Variants in EIF3D observed in about 807,000 individuals in gnomAD.
The protein encoded by EIF3D is eIF3 p66.
A neutral mutation model predicts 75.4 loss-of-function variants in EIF3D; 10 were observed. The ratio of observed to expected loss-of-function variants is 0.13; its 90% confidence interval spans 0.08 to 0.22. The LOEUF is 0.22. Among genes scored for constraint, EIF3D ranks in the 10% least tolerant of loss-of-function variants. EIF3D has a pLI of 1.00. For synonymous variants in EIF3D, 246 were observed against 248.3 expected, an observed-to-expected ratio of 0.99 and a Z score of 0.09; for missense variants, 394 against 708.0, an observed-to-expected ratio of 0.56 and a Z score of 5.03.
rs765881960 is a variant in EIF3D at position 36,529,011 on chromosome 22, G to A, written c.-11+65C>T. On this transcript the variant is annotated intron_variant, in intron 1 of 14. Transcript: ENST00000216190. ...AGAGGTCTCTTCCGGGAGGCCCCCC[G>A]AAGGCTGGACCTAGTCCGAACCGGC... 8 of 347,850 alleles carry A rather than the reference G, an allele frequency of 2.3e-5. No individual in the cohort carries two copies. The South Asian group carries it at 4.6e-4, about 20-fold the overall frequency. 21.5% of individuals were successfully genotyped at this position (347,850 alleles called of 1,614,324 possible).
chr22:36,519,033 T>C (rs1934471112), intron 8 of EIF3D, 123 bp from the exon 9 acceptor site: 4 of 1,333,160 alleles, frequency 3.0e-6, no homozygotes, highest in Admixed American at 5.1e-5. Context: ...CCCCACCTCA[T>C]TGACCAAAAA....
chr22:36,521,950 A>C (rs1465601799), intron 6 of EIF3D, among the ~76,000 whole-genome samples: 2 of 152,090 alleles, frequency 1.3e-5, no homozygotes, highest in Non-Finnish European at 2.9e-5. Flanking sequence ...AAAAACAAAA[A>C]ACAAAAACCA....
rs1266834102 is a variant in EIF3D at position 36,519,389 on chromosome 22, A to G, written c.711+16T>C. The G allele has an allele frequency of 6.2e-7, 1 of 1,613,952 alleles. No homozygotes were observed. Among genetic ancestry groups the G allele is most frequent in the South Asian group, 1.1e-5 (1 of 91,066 alleles). On this transcript the variant is annotated intron_variant, in intron 8 of 14. Coordinates refer to ENST00000216190, the MANE Select transcript of EIF3D (RefSeq NM_003753.4). Reference sequence around the variant, plus strand: ...CATTCCTAACAAGGGGGAGAGGGGCAGAAGGAGGCGCACACCTTGCGGATG... The same window carrying G: ...CATTCCTAACAAGGGGGAGAGGGGCGGAAGGAGGCGCACACCTTGCGGATG...
rs750064458 is a variant in EIF3D, at chr22:36,516,627, CAT to C, written c.1077-22_1077-21del. On this transcript the variant is annotated intron_variant, in intron 11 of 14. Transcript: ENST00000216190. ...CGGTAACTGCAGCAAAAAAGAAACTCATGTGGTCACTGGGGATTCTATAGAGT... is the reference window on the plus strand; with the variant it reads ...CGGTAACTGCAGCAAAAAAGAAACTCGTGGTCACTGGGGATTCTATAGAGT... 5.1e-5 allele frequency: 83 copies of C among 1,613,980 alleles called. No homozygotes were observed. In the African/African-American group the frequency reaches 8.1e-4, roughly 16 times the overall value.
At chr22:36,514,146 A>G (rs1003939205) in intron 12 of EIF3D, among the ~76,000 whole-genome samples, 1 of 152,214 alleles carries the variant, frequency 6.6e-6, no homozygotes, top group Non-Finnish European at 1.5e-5. Context: ...TAGGTGGAAG[A>G]AAGACAATGC....
intron 1 of EIF3D, among the ~76,000 whole-genome samples, chr22:36,528,404 C>G (rs1303824701): frequency 6.2e-5 from 9 of 145,416 alleles, no homozygotes; most frequent in Non-Finnish European, 1.2e-4. Flanking sequence ...GATGAGATAC[C>G]CTGGCTTTAA....
chr22:36,510,869 A>G lies in EIF3D; in HGVS notation c.*118T>C. On this transcript the variant is annotated 3_prime_UTR_variant, in exon 15 of 15. Coordinates refer to ENST00000216190, the MANE Select transcript of EIF3D (RefSeq NM_003753.4). Reference sequence around the variant, plus strand: ...AGACGATGAGGGAAAGACTAAACAGATATATATTTTATTTCATCTGCTAAA... The same window carrying G: ...AGACGATGAGGGAAAGACTAAACAGGTATATATTTTATTTCATCTGCTAAA... 1 of 1,243,068 alleles carries G rather than the reference A, an allele frequency of 8.0e-7. No individual in the cohort carries two copies. Among genetic ancestry groups the G allele is most frequent in the Non-Finnish European group, 1.1e-6 (1 of 905,462 alleles). 77.0% of individuals were successfully genotyped at this position (1,243,068 alleles called of 1,614,324 possible).
At chr22:36,519,376 G>A (rs761168048) in intron 8 of EIF3D, 29 bp downstream of exon 8, 3 of 1,613,058 alleles carry the variant, frequency 1.9e-6, no homozygotes, top group Admixed American at 1.7e-5. Context: ...TTCCTAACAA[G>A]GGGGAGAGGG....
chr22:36,526,045 C>T lies in EIF3D; in HGVS notation c.77G>A (p.Arg26Gln), dbSNP rs569968806. The change falls in exon 2 of 15, where the codon CGG becomes CAG. Residue 26 changes from arginine (R) to glutamine (Q), a missense_variant. By Grantham distance (43) the Arg-to-Gln change is conservative. Coordinates refer to ENST00000216190, the MANE Select transcript of EIF3D (RefSeq NM_003753.4). ...WGPCAVPEQFRDMPYQPFSKG... is the reference protein window; with the variant it reads ...WGPCAVPEQFQDMPYQPFSKG... The stretch of plus-strand genomic sequence containing the variant: ...GCTGAACGGCTGGTAGGGCATATCC[C>T]GAAACTGCTCGGGAACCGCACAGGG... 1.1e-5 allele frequency: 18 copies of T among 1,613,634 alleles called. No individual in the cohort carries two copies. Among genetic ancestry groups the T allele is most frequent in the South Asian group, 4.4e-5 (4 of 90,986 alleles).
At chr22:36,528,439 G>C (rs1001009118) in intron 1 of EIF3D, among the ~76,000 whole-genome samples, 1 of 151,004 alleles carries the variant, frequency 6.6e-6, no homozygotes, top group Admixed American at 6.6e-5. Flanking sequence ...TTTAAGAGCA[G>C]AGCGGAACCA....
intron 12 of EIF3D, among the ~76,000 whole-genome samples, chr22:36,515,607 G>T (rs1235513153): frequency 6.6e-6 from 1 of 152,174 alleles, no homozygotes; most frequent in Non-Finnish European, 1.5e-5. Context: ...TTGTTATGGT[G>T]CGAAAGAAAA....
chr22:36,512,182 G>A (rs553687974), intron 13 of EIF3D, among the ~76,000 whole-genome samples: 1 of 152,106 alleles, frequency 6.6e-6, no homozygotes, highest in African/African-American at 2.4e-5. Context: ...GAGCCACCGC[G>A]CCCGGCAGTC....
At chr22:36,515,238 G>A (rs2145870343) in intron 12 of EIF3D, among the ~76,000 whole-genome samples, 1 of 152,318 alleles carries the variant, frequency 6.6e-6, no homozygotes, top group East Asian at 1.9e-4. Flanking sequence ...TAATAAATTG[G>A]TATTGTTAGG....
intron 1 of EIF3D, among the ~76,000 whole-genome samples, chr22:36,528,353 G>C (rs1934639557): frequency 6.6e-6 from 1 of 151,942 alleles, no homozygotes; most frequent in South Asian, 2.1e-4. Flanking sequence ...GAAGGGAAGA[G>C]GCCCGAGGCT....
chr22:36,516,573 G>C lies in EIF3D; in HGVS notation c.1111C>G (p.Leu371Val). ...CCATCGTGCTCACAACGGACAATAA[G>C]GTCAATATCATCTCCAAGCTTCCAC... The part of the protein sequence containing the change: ...RRWKLGDDID[L>V]IVRCEHDGVM... Residue 371 changes from leucine (L) to valine (V), a missense_variant, in exon 12 of 15, where the codon CTT (leucine) becomes GTT (valine). Coordinates refer to ENST00000216190, the MANE Select transcript of EIF3D (RefSeq NM_003753.4). The C allele has an allele frequency of 6.2e-7, 1 of 1,614,102 alleles. No homozygotes were observed. Among genetic ancestry groups the C allele is most frequent in the Non-Finnish European group, 8.5e-7 (1 of 1,180,000 alleles).
intron 6 of EIF3D, 159 bp downstream of exon 6, chr22:36,523,050 G>A (rs2145876779): frequency 1.6e-6 from 1 of 639,124 alleles, no homozygotes; most frequent in African/African-American, 1.8e-5. Flanking sequence ...TGAGGGTGAT[G>A]AAAATGGTCT....
chr22:36,514,994 T>C (rs1934400786), intron 12 of EIF3D, among the ~76,000 whole-genome samples: 1 of 152,138 alleles, frequency 6.6e-6, no homozygotes, highest in African/African-American at 2.4e-5. Context: ...CCCCTCTCTT[T>C]CTCCTGCTCT....
intron 12 of EIF3D, among the ~76,000 whole-genome samples, chr22:36,515,755 G>T (rs1934414201): frequency 6.6e-6 from 1 of 152,050 alleles, no homozygotes; most frequent in African/African-American, 2.4e-5. Context: ...CCAGAGTAAC[G>T]CGGTAACACA....
intron 1 of EIF3D, 168 bp downstream of exon 1, chr22:36,528,908 C>A (rs1934652866): frequency 5.4e-6 from 1 of 183,772 alleles, no homozygotes; most frequent in Admixed American, 6.2e-5. Flanking sequence ...CGTTCAGTAG[C>A]GTGCGGGACG....
Sources: allele counts gnomAD v4.1 joint callset (sites outside exome capture counted in the v4.1 genomes callset), GRCh38; gene constraint gnomAD v4.1.1; transcripts MANE v1.5; gene names NCBI Gene and HGNC (gene_info 2026-07-23, HGNC 2026-07-21).